Variants in PRUNE2 observed in about 807,000 individuals in gnomAD.
PRUNE2 encodes the protein prune homolog 2 with BCH domain.
In PRUNE2, 164 loss-of-function variants were observed where a neutral mutation model predicts 252.0. The ratio of observed to expected loss-of-function variants is 0.65; its 90% CI spans 0.57 to 0.74. The LOEUF (loss-of-function observed/expected upper bound fraction) is 0.74. PRUNE2 is among the 30% of genes least tolerant of loss of function. PRUNE2 has a pLI of 0.00. For synonymous variants in PRUNE2, 1,292 were observed against 1,350.2 expected, an observed-to-expected ratio of 0.96 and a Z score of 0.94; for missense variants, 3,495 against 3,711.0, an observed-to-expected ratio of 0.94 and a Z score of 1.51.
At chr9:76,774,318 T>G (rs1344348382) in intron 6 of PRUNE2, among the ~76,000 whole-genome samples, 1 of 151,858 alleles carries the variant, frequency 6.6e-6, no homozygotes, top group East Asian at 1.9e-4. Context: ...TGTATTTTTT[T>G]GTAAAGATGG....
chr9:76,670,074 C>T (rs902600122), intron 9 of PRUNE2, among the ~76,000 whole-genome samples: 2 of 152,214 alleles, frequency 1.3e-5, no homozygotes, highest in African/African-American at 4.8e-5. Context: ...GGAACAGCTC[C>T]AGTCTACAGC....
rs370117193 is a variant in PRUNE2 at position 76,707,731 on chromosome 9, C to T, written c.4543G>A (p.Val1515Ile). Residue 1515 changes from valine (V) to isoleucine (I), a missense_variant, in exon 8 of 19, where the codon GTT (valine) becomes ATT (isoleucine). Transcript: ENST00000376718. ...TCSEITKNLD[V>I]KGSENSLPGA... ...GGAAGGCTATTTTCAGACCCCTTAA[C>T]GTCAAGATTTTTGGTTATCTCAGAA... 1.1e-5 allele frequency: 18 copies of T among 1,613,696 alleles called. No individual in the cohort carries two copies. The highest frequency in any genetic ancestry group is 1.7e-5 in the Admixed American group (1 of 59,984).
chr9:76,839,036 G>A (rs900370706), intron 4 of PRUNE2, among the ~76,000 whole-genome samples: 2 of 151,974 alleles, frequency 1.3e-5, no homozygotes, highest in African/African-American at 4.8e-5. Context: ...AAAACACTAG[G>A]ATTTCTTAAA....
intron 9 of PRUNE2, among the ~76,000 whole-genome samples, chr9:76,675,938 A>G (rs1440181531): frequency 8.7e-6 from 1 of 115,546 alleles, no homozygotes; most frequent in Admixed American, 1.0e-4. Context: ...GGTGGGAGGG[A>G]TATCATCGGG....
At chr9:76,729,409 C>G (rs1471301399) in intron 6 of PRUNE2, among the ~76,000 whole-genome samples, 2 of 152,108 alleles carry the variant, frequency 1.3e-5, no homozygotes, top group Non-Finnish European at 2.9e-5. Flanking sequence ...TTATCTAAAG[C>G]AAGACATTTC....
At chr9:76,905,256 A>G (rs1048049682) in intron 1 of PRUNE2, among the ~76,000 whole-genome samples, 5 of 152,226 alleles carry the variant, frequency 3.3e-5, no homozygotes, top group Non-Finnish European at 5.9e-5. Context: ...CTGTTTGGAC[A>G]GTGATATGGT....
chr9:76,855,064 C>CAAAAAAAAAA (rs772890225), intron 1 of PRUNE2, among the ~76,000 whole-genome samples: 7 of 78,170 alleles, frequency 9.0e-5, no homozygotes, highest in African/African-American at 4.4e-4. Flanking sequence ...GACTCCATCT[C>CAAAAAAAAAA]AAAAAAAAAA....
intron 6 of PRUNE2, among the ~76,000 whole-genome samples, chr9:76,725,222 T>C (rs567157501): frequency 6.6e-6 from 1 of 152,360 alleles, no homozygotes; most frequent in South Asian, 2.1e-4. Context: ...CAGAGCACTT[T>C]CTGCACGTGT....
At chr9:76,799,341 CAA>C (rs71354683) in intron 6 of PRUNE2, among the ~76,000 whole-genome samples, 75 of 112,668 alleles carry the variant, frequency 6.7e-4, no homozygotes, top group East Asian at 2.4e-3. Context: ...AACTCTGTCT[CAA>C]AAAAAAAAAA....
At chr9:76,815,610 T>C (rs1398610530) in intron 6 of PRUNE2, among the ~76,000 whole-genome samples, 2 of 152,176 alleles carry the variant, frequency 1.3e-5, no homozygotes, top group South Asian at 2.1e-4. Context: ...TTTCAACATA[T>C]ACATTTTGGA....
At chr9:76,838,694 A>C (rs2059212005) in intron 4 of PRUNE2, among the ~76,000 whole-genome samples, 1 of 145,340 alleles carries the variant, frequency 6.9e-6, no homozygotes, top group Non-Finnish European at 1.5e-5. Context: ...ACCCATCTGT[A>C]CTGCTATGGG....
chr9:76,711,329 G>T lies in PRUNE2; in HGVS notation c.945C>A (p.Asn315Lys), dbSNP rs771017074. The change falls in exon 8 of 19, where the codon AAC (asparagine) becomes AAA (lysine). Residue 315 changes from asparagine to lysine, a missense_variant. Asn to Lys is a moderately conservative substitution (Grantham distance 94, BLOSUM62 0). Transcript: ENST00000376718. ...CAAAGGGCTCCAGTTCTAGGCAAGG[G>T]TTCTGACACTCTTCCAGCTCACAGC... ...QICCELEECQNPCLELEPFDC... is the reference protein window; with the variant it reads ...QICCELEECQKPCLELEPFDC... 1.2e-6 allele frequency: 2 copies of T among 1,612,954 alleles called. No individual in the cohort carries two copies. The highest frequency in any genetic ancestry group is 2.2e-5 in the South Asian group (2 of 90,904).
At position 76,709,097 on chromosome 9, in the gene PRUNE2, G is replaced by A; in HGVS notation, c.3177C>T (p.His1059=). 2 of 1,613,930 alleles carry A rather than the reference G, an allele frequency of 1.2e-6. No homozygotes were observed. The highest frequency in any genetic ancestry group is 1.7e-6 in the Non-Finnish European group (2 of 1,179,880). ...CCATGGAGATATTCTTACCATCTGT[G>A]TGCTCTGTCTTGAGTTCATTTTCAT... The part of the protein sequence containing the change: ...NLDENELKTE[H]TDGKNISMED... Residue 1059 remains histidine, a synonymous_variant, in exon 8 of 19, where the codon CAC becomes CAT. Transcript: ENST00000376718.
chr9:76,765,729 C>T (rs2130821458), intron 6 of PRUNE2, among the ~76,000 whole-genome samples: 1 of 152,318 alleles, frequency 6.6e-6, no homozygotes, highest in South Asian at 2.1e-4. Flanking sequence ...AGTTAAGAGA[C>T]AGAATCATAC....
At chr9:76,720,240 A>G (rs999284133) in intron 6 of PRUNE2, among the ~76,000 whole-genome samples, 2 of 152,206 alleles carry the variant, frequency 1.3e-5, no homozygotes, top group Non-Finnish European at 1.5e-5. Context: ...GACGTATTCA[A>G]ATAATACGTA....
In PRUNE2 at chr9:76,709,904, T is replaced by A. The variant is rs764623141; in HGVS notation, c.2370A>T (p.Glu790Asp). The change falls in exon 8 of 19, where the codon GAA becomes GAT. Residue 790 changes from glutamate to aspartate, a missense_variant. Glu to Asp is a conservative substitution (Grantham distance 45). Transcript: ENST00000376718. ...EPWGNPTDDG[E>D]PAAVAPFPAW... Reference sequence around the variant, plus strand: ...CTGGGAATGGCGCCACAGCTGCTGGTTCACCATCATCTGTAGGATTTCCCC... The same window carrying A: ...CTGGGAATGGCGCCACAGCTGCTGGATCACCATCATCTGTAGGATTTCCCC... The A allele has an allele frequency of 1.2e-6, 2 of 1,613,878 alleles. No homozygotes were observed. The highest frequency in any genetic ancestry group is 2.7e-5 in the African/African-American group (2 of 75,040).
intron 9 of PRUNE2, among the ~76,000 whole-genome samples, chr9:76,660,798 A>AG (rs11448819): frequency 0.16 from 22,783 of 139,802 alleles, 1,904 homozygotes; most frequent in East Asian, 0.22. Context: ...AAAAAAAAAA[A>AG]AAAGAAAGAA....
chr9:76,881,386 C>T (rs1160022612), intron 1 of PRUNE2, among the ~76,000 whole-genome samples: 2 of 152,084 alleles, frequency 1.3e-5, no homozygotes, highest in Non-Finnish European at 2.9e-5. Flanking sequence ...TGAGTAAGTA[C>T]ACACATATAT....
intron 9 of PRUNE2, among the ~76,000 whole-genome samples, chr9:76,685,628 G>A (rs1366719379): frequency 6.6e-6 from 1 of 152,200 alleles, no homozygotes; most frequent in East Asian, 1.9e-4. Flanking sequence ...AAGACCAGAA[G>A]ACATGGGGAG....
Sources: allele counts gnomAD v4.1 joint callset (sites outside exome capture counted in the v4.1 genomes callset), GRCh38; gene constraint gnomAD v4.1.1; transcripts MANE v1.5; gene names NCBI Gene and HGNC (gene_info 2026-07-23, HGNC 2026-07-21).